The following VWA5B1 variants were observed in gnomAD, a reference collection of about 807,000 sequenced individuals.
VWA5B1 encodes von Willebrand factor A domain-containing protein 5B1.
In VWA5B1, 115 loss-of-function variants were observed where a neutral mutation model predicts 118.2. The ratio of observed to expected loss-of-function variants is 0.97; its 90% CI spans 0.84 to 1.14. The LOEUF (loss-of-function observed/expected upper bound fraction) is 1.14, where lower values mean the gene tolerates loss of function less well. VWA5B1 is among the 50% of genes most tolerant of loss of function. VWA5B1 has a pLI of 0.00. For missense variants in VWA5B1, 1,596 were observed against 1,603.8 expected, an observed-to-expected ratio of 1.00 and a Z score of 0.08; for synonymous variants, 682 against 658.4, an observed-to-expected ratio of 1.04 and a Z score of -0.55.
Position 20,330,884 on chromosome 1 carries a change from A to G in VWA5B1, c.1473A>G (p.Gly491=), listed in dbSNP as rs779024842. 7 of 1,551,726 alleles carry G rather than the reference A, an allele frequency of 4.5e-6. No individual in the cohort carries two copies. The East Asian group carries it at 1.7e-4, about 38-fold the overall frequency. Residue 491 remains glycine (G), a synonymous_variant, in exon 11 of 22, where the codon GGA becomes GGG. Transcript: ENST00000289815. ...TTTCCGCCAGGTGCTATAGCTTTGG[A>G]ATTGGACCCAACGTCTGCCACAGAC... ...HAFSTRCYSF[G]IGPNVCHRLV...
chr1:20,317,188 A>G (rs1033347372), intron 4 of VWA5B1, among the ~76,000 whole-genome samples: 7 of 149,930 alleles, frequency 4.7e-5, no homozygotes, highest in Non-Finnish European at 7.4e-5. Flanking sequence ...AATAGTGGGA[A>G]CTTGTGCCAG....
intron 21 of VWA5B1, 52 bp downstream of exon 21, chr1:20,352,224 G>GGGGGATCACAGGAA: frequency 1.4e-6 from 2 of 1,389,474 alleles, no homozygotes; most frequent in Non-Finnish European, 2.0e-6. Flanking sequence ...CTCAGCAGCA[G>GGGGGATCACAGGAA]GGCCTTCCTG....
intron 1 of VWA5B1, among the ~76,000 whole-genome samples, chr1:20,295,785 A>G (rs992053562): frequency 2.0e-5 from 3 of 152,172 alleles, no homozygotes; most frequent in African/African-American, 7.2e-5. Context: ...GGTTCGCCGT[A>G]GTGTCCCCCC....
In VWA5B1 at chr1:20,350,234, A is replaced by C; in HGVS notation, c.2953+4A>C. 3 of 1,550,958 alleles carry C rather than the reference A, an allele frequency of 1.9e-6. No individual in the cohort carries two copies. Among genetic ancestry groups the C allele is most frequent in the Non-Finnish European group, 2.6e-6 (3 of 1,146,956 alleles). On this transcript the variant is annotated splice_donor_region_variant and intron_variant, in intron 19 of 21. Transcript: ENST00000289815. ...GAGAAGCACGGTGCTTCTGAAGGTG[A>C]GTGGGCAGGTGGCGCTGCCTCTTCA... is the stretch of plus-strand genomic sequence containing the variant.
At chr1:20,311,233 G>A (rs754246092) in intron 2 of VWA5B1, among the ~76,000 whole-genome samples, 29 of 152,262 alleles carry the variant, frequency 1.9e-4, no homozygotes, top group Non-Finnish European at 4.1e-4. Context: ...TCGGCCTCCC[G>A]AAGTACTGGG....
At chr1:20,311,778 G>A (rs2088856855) in intron 2 of VWA5B1, among the ~76,000 whole-genome samples, 1 of 152,120 alleles carries the variant, frequency 6.6e-6, no homozygotes, top group African/African-American at 2.4e-5. Context: ...AACCCCTGCA[G>A]GCTACCCTGA....
intron 1 of VWA5B1, among the ~76,000 whole-genome samples, chr1:20,298,453 G>A (rs2088447713): frequency 1.3e-5 from 2 of 152,078 alleles, no homozygotes; most frequent in Admixed American, 1.3e-4. Flanking sequence ...AAGCCTATCA[G>A]GAAGTCTGGC....
chr1:20,333,000 C>T (rs2089616574), intron 12 of VWA5B1, 49 bp downstream of exon 12: 1 of 1,534,754 alleles, frequency 6.5e-7, no homozygotes, highest in Non-Finnish European at 8.8e-7. Context: ...AGAACCCATG[C>T]CTACAAATCA....
chr1:20,329,411 C>T (rs540319954), intron 9 of VWA5B1, among the ~76,000 whole-genome samples: 3 of 146,934 alleles, frequency 2.0e-5, no homozygotes, highest in Admixed American at 7.1e-5. Flanking sequence ...CAGGTTCAAG[C>T]GATTCTCCTG....
At chr1:20,348,477 CT>C in intron 18 of VWA5B1, 119 bp downstream of exon 18, 1 of 1,087,540 alleles carries the variant, frequency 9.2e-7, no homozygotes, top group Non-Finnish European at 1.4e-6. Context: ...GCACTGTGGG[CT>C]TAGGCAGGCC....
chr1:20,357,594 A>AT lies in VWA5B1; in HGVS notation c.*3332dup, dbSNP rs2090252366. 6.6e-6 allele frequency among the ~76,000 whole-genome samples: 1 copy of AT among 152,220 alleles called. No homozygotes were observed. The highest frequency in any genetic ancestry group is 2.1e-4 in the South Asian group (1 of 4,832). ...ACTGGGTGCCTACTGTATGCCAGGCATGGCATACTGGGGTACCACAGTGAA... is the reference window on the plus strand; with the variant it reads ...ACTGGGTGCCTACTGTATGCCAGGCATTGGCATACTGGGGTACCACAGTGAA... On this transcript the variant is annotated 3_prime_UTR_variant, in exon 22 of 22. Coordinates refer to ENST00000289815, the MANE Select transcript of VWA5B1 (RefSeq NM_001039500.3).
At position 20,354,431 on chromosome 1, in the gene VWA5B1, A is replaced by G; in HGVS notation, c.*168A>G. The stretch of plus-strand genomic sequence containing the variant: ...GCCTGAGTTCAATCCCAACTTTGCT[A>G]CCATCCAGCCATGCAACTTTAGGCC... On this transcript the variant is annotated 3_prime_UTR_variant, in exon 22 of 22. Coordinates refer to ENST00000289815, the MANE Select transcript of VWA5B1 (RefSeq NM_001039500.3). 2.3e-6 allele frequency: 2 copies of G among 863,328 alleles called. No individual in the cohort carries two copies. The highest frequency in any genetic ancestry group is 3.4e-6 in the Non-Finnish European group (2 of 580,358). 53.5% of individuals were successfully genotyped at this position (863,328 alleles called of 1,614,324 possible). A position where few individuals can be genotyped will look rare whatever the true frequency, so the allele number is the denominator to read the frequency against.
At position 20,353,845 on chromosome 1, in the gene VWA5B1, C is replaced by T. The variant is rs1402671330; in HGVS notation, c.3230C>T (p.Thr1077Met). ...THIPMEKLKWTSPFTCHRVSL... is the reference protein window; with the variant it reads ...THIPMEKLKWMSPFTCHRVSL... ...ATCCCCATGGAGAAGCTCAAGTGGA[C>T]GTCCCCCTTCACCTGCCATCGAGTG... The change falls in exon 22 of 22, where the codon ACG (threonine) becomes ATG (methionine). Residue 1077 changes from threonine (T) to methionine (M), a missense_variant. By Grantham distance (81) the Thr-to-Met change is moderately conservative (BLOSUM62 -1). Transcript: ENST00000289815. The T allele has an allele frequency of 5.2e-6, 8 of 1,531,338 alleles. No individual in the cohort carries two copies. The highest frequency in any genetic ancestry group is 2.7e-5 in the African/African-American group (2 of 72,790). The allele number at this position is 1,531,338 out of a possible 1,614,324, so 94.9% of individuals were successfully genotyped here.
chr1:20,342,666 T>G, intron 15 of VWA5B1, 57 bp downstream of exon 15: 2 of 1,438,616 alleles, frequency 1.4e-6, no homozygotes, highest in Non-Finnish European at 1.8e-6. Flanking sequence ...CACTGGCTGT[T>G]GTTCAACTTC....
In VWA5B1 at chr1:20,310,607, C is replaced by T. The variant is rs544882525; in HGVS notation, c.6C>T (p.Pro2=). 669 of 1,535,954 alleles carry T rather than the reference C, an allele frequency of 4.4e-4. No individual in the cohort carries two copies. Among genetic ancestry groups the T allele is most frequent in the Non-Finnish European group, 5.4e-4 (612 of 1,140,478 alleles). Residue 2 remains proline, a synonymous_variant, in exon 2 of 22, where the codon CCC becomes CCT. Coordinates refer to ENST00000289815, the MANE Select transcript of VWA5B1 (RefSeq NM_001039500.3). ...AAGGCTGAGTAGCCAGCGGGATGCC[C>T]GGCTTGCTGAATTGGATCACGGGGG... is the stretch of plus-strand genomic sequence containing the variant. M[P]GLLNWITGAA...
intron 17 of VWA5B1, 135 bp downstream of exon 17, chr1:20,345,728 C>A (rs529136118): frequency 1.5e-6 from 2 of 1,305,368 alleles, no homozygotes; most frequent in Non-Finnish European, 2.0e-6. Flanking sequence ...AGAAAGGCCC[C>A]CAGTGGATGA....
chr1:20,291,359 T>TCTCTC (rs2088297636), intron 1 of VWA5B1, among the ~76,000 whole-genome samples: 17 of 103,406 alleles, frequency 1.6e-4, no homozygotes, highest in South Asian at 1.0e-3. Context: ...CTTTCTTTCT[T>TCTCTC]TCTCTCTCTC....
intron 9 of VWA5B1, among the ~76,000 whole-genome samples, chr1:20,329,366 G>A (rs1457741513): frequency 7.7e-6 from 1 of 130,008 alleles, no homozygotes; most frequent in African/African-American, 3.0e-5. Flanking sequence ...GCAGTGGTGC[G>A]ATCTTGATCT....
rs1322002470 is a variant in VWA5B1, at chr1:20,356,837, G to C, written c.*2574G>C. 6.6e-6 allele frequency among the ~76,000 whole-genome samples: 1 copy of C among 152,188 alleles called. No homozygotes were observed. Among genetic ancestry groups the C allele is most frequent in the East Asian group, 1.9e-4 (1 of 5,196 alleles). ...GGTCTGGACAAGAGACATTTTTAAAGAACTTCAGTGGTATTGAGATGACAT... is the reference window on the plus strand; with the variant it reads ...GGTCTGGACAAGAGACATTTTTAAACAACTTCAGTGGTATTGAGATGACAT... On this transcript the variant is annotated 3_prime_UTR_variant, in exon 22 of 22. Coordinates refer to ENST00000289815, the MANE Select transcript of VWA5B1 (RefSeq NM_001039500.3).
Sources: allele counts gnomAD v4.1 joint callset (sites outside exome capture counted in the v4.1 genomes callset), GRCh38; gene constraint gnomAD v4.1.1; transcripts MANE v1.5; gene names NCBI Gene and HGNC (gene_info 2026-07-23, HGNC 2026-07-21).